The following NTNG1 variants were observed in gnomAD, a reference collection of about 807,000 sequenced individuals.
The protein encoded by NTNG1 is netrin-G1.
A neutral mutation model predicts 54.0 loss-of-function variants in NTNG1; 16 were observed. The observed-to-expected ratio is 0.30, with a 90% CI of 0.20 to 0.45. The LOEUF (loss-of-function observed/expected upper bound fraction) is 0.45, where lower values mean the gene tolerates loss of function less well. Ranked by LOEUF, NTNG1 falls within the 20% of genes least tolerant of loss-of-function variation. The pLI, the probability that NTNG1 is intolerant of heterozygous loss-of-function variation, is 1.00. For synonymous variants in NTNG1, 255 were observed against 263.1 expected (o/e 0.97, Z 0.30); for missense variants, 530 against 678.7 (o/e 0.78, Z 2.43).
intron 7 of NTNG1, among the ~76,000 whole-genome samples, chr1:107,463,056 C>A (rs918254924): frequency 7.2e-5 from 11 of 152,210 alleles, no homozygotes; most frequent in Non-Finnish European, 1.3e-4. Flanking sequence ...ATCAAACAAA[C>A]CAGGAAAGTA....
chr1:107,372,007 GT>G (rs759763026), intron 3 of NTNG1, among the ~76,000 whole-genome samples: 2 of 151,942 alleles, frequency 1.3e-5, no homozygotes, highest in Non-Finnish European at 2.9e-5. Context: ...CAGATTTGAG[GT>G]GCTCAACTTG....
At chr1:107,165,207 A>G (rs1271162857) in intron 2 of NTNG1, among the ~76,000 whole-genome samples, 2 of 152,176 alleles carry the variant, frequency 1.3e-5, no homozygotes, top group Non-Finnish European at 2.9e-5. Flanking sequence ...TACTGAAACT[A>G]GAGGCAAGGG....
chr1:107,182,674 TTTTGAGA>T (rs1404495019), intron 2 of NTNG1, among the ~76,000 whole-genome samples: 2 of 152,140 alleles, frequency 1.3e-5, no homozygotes, highest in African/African-American at 4.8e-5. Flanking sequence ...TTCTCTGGGA[TTTTGAGA>T]TTTGAGCTGC....
intron 3 of NTNG1, among the ~76,000 whole-genome samples, chr1:107,370,895 C>T (rs567489149): frequency 5.3e-5 from 8 of 151,868 alleles, no homozygotes. Context: ...AGTTTGTTAC[C>T]ACTATTTAGA....
intron 7 of NTNG1, among the ~76,000 whole-genome samples, chr1:107,458,880 T>C (rs571230736): frequency 6.6e-6 from 1 of 152,268 alleles, no homozygotes; most frequent in East Asian, 1.9e-4. Flanking sequence ...CATTTTCAAA[T>C]TGGAAACATT....
intron 2 of NTNG1, among the ~76,000 whole-genome samples, chr1:107,151,193 A>G (rs1183787074): frequency 6.6e-6 from 1 of 152,208 alleles, no homozygotes; most frequent in Non-Finnish European, 1.5e-5. Context: ...CCTTGTGACT[A>G]TTTGTATGCA....
rs144721464 is a variant in NTNG1, at chr1:107,220,669, C to T, written c.246+71830C>T. Among the ~76,000 whole-genome samples, 114 of 152,314 alleles carry T rather than the reference C, an allele frequency of 7.5e-4. 1 individual carries two copies. Among genetic ancestry groups the T allele is most frequent in the African/African-American group, 2.7e-3 (112 of 41,564 alleles). On this transcript the variant is annotated intron_variant, in intron 2 of 7. Transcript: ENST00000370068. The stretch of plus-strand genomic sequence containing the variant: ...TTCCTTATTTGTCAGGACTGTGTCT[C>T]ATAGGATTGTTGTGAACATTAACTG...
At chr1:107,182,236 A>C (rs1657124902) in intron 2 of NTNG1, among the ~76,000 whole-genome samples, 1 of 152,106 alleles carries the variant, frequency 6.6e-6, no homozygotes, top group Admixed American at 6.6e-5. Flanking sequence ...GAAGCAGTTA[A>C]AAAAAGTATA....
chr1:107,392,617 G>A (rs1672432630), intron 3 of NTNG1, among the ~76,000 whole-genome samples: 1 of 152,082 alleles, frequency 6.6e-6, no homozygotes, highest in African/African-American at 2.4e-5. Context: ...GAGGTCGTGG[G>A]TGATTTGACA....
chr1:107,355,133 C>A (rs1284190418), intron 3 of NTNG1, among the ~76,000 whole-genome samples: 6 of 151,924 alleles, frequency 3.9e-5, no homozygotes, highest in Admixed American at 3.9e-4. Flanking sequence ...CCTTCCTGAT[C>A]ATTTTTGATA....
chr1:107,196,997 A>G (rs1658388156), intron 2 of NTNG1, among the ~76,000 whole-genome samples: 1 of 151,958 alleles, frequency 6.6e-6, no homozygotes, highest in Admixed American at 6.6e-5. Context: ...CAAATAAAAT[A>G]CAGGACAACC....
chr1:107,328,406 T>C (rs991169535), intron 3 of NTNG1, among the ~76,000 whole-genome samples: 1 of 152,144 alleles, frequency 6.6e-6, no homozygotes, highest in Non-Finnish European at 1.5e-5. Flanking sequence ...GCATTAACTG[T>C]ATTAAATTAT....
Position 107,462,211 on chromosome 1 carries a change from C to T in NTNG1, c.1391-18400C>T, listed in dbSNP as rs147844745. The stretch of plus-strand genomic sequence containing the variant: ...TAATGGTTCCTACCAGTTTCTGTTT[C>T]GTGGAGAAAGAAACAAGGGCAAAAG... On this transcript the variant is annotated intron_variant, in intron 7 of 7. Transcript: ENST00000370068. 3.2e-4 allele frequency among the ~76,000 whole-genome samples: 49 copies of T among 152,252 alleles called. 1 individual carries two copies. In the East Asian group the frequency reaches 8.9e-3, roughly 28 times the overall value.
At chr1:107,328,379 T>C (rs1668085667) in intron 3 of NTNG1, among the ~76,000 whole-genome samples, 1 of 152,140 alleles carries the variant, frequency 6.6e-6, no homozygotes, top group Non-Finnish European at 1.5e-5. Context: ...GGAAGGTACA[T>C]TAAAGGGCAT....
chr1:107,403,327 G>T (rs544769790), intron 4 of NTNG1, among the ~76,000 whole-genome samples: 1 of 152,086 alleles, frequency 6.6e-6, no homozygotes, highest in Non-Finnish European at 1.5e-5. Context: ...TACTCAACAC[G>T]TATGTATTTC....
At chr1:107,347,169 G>T (rs1210034089) in intron 3 of NTNG1, among the ~76,000 whole-genome samples, 1 of 152,096 alleles carries the variant, frequency 6.6e-6, no homozygotes, top group African/African-American at 2.4e-5. Context: ...TGTAACTTGG[G>T]TGATGACTTC....
chr1:107,436,973 C>T (rs1675640228), intron 7 of NTNG1, among the ~76,000 whole-genome samples, 174 bp downstream of exon 7: 1 of 152,286 alleles, frequency 6.6e-6, no homozygotes, highest in South Asian at 2.1e-4. Flanking sequence ...AGCTGTCCAA[C>T]TGGCTTTTTT....
intron 2 of NTNG1, among the ~76,000 whole-genome samples, chr1:107,240,357 G>A (rs925011320): frequency 1.3e-5 from 2 of 151,494 alleles, no homozygotes; most frequent in Admixed American, 6.6e-5. Context: ...AAATGGTGAC[G>A]GTCAGTAGTT....
chr1:107,471,081 C>A (rs557466076), intron 7 of NTNG1, among the ~76,000 whole-genome samples: 1 of 152,012 alleles, frequency 6.6e-6, no homozygotes, highest in Admixed American at 6.6e-5. Context: ...GCAGTTTTTT[C>A]TATGGTTTGG....
Sources: gnomAD v4.1 joint callset for allele counts (sites outside exome capture counted in the v4.1 genomes callset) on GRCh38, gnomAD v4.1.1 for gene constraint, MANE v1.5 for transcripts, NCBI Gene and HGNC (gene_info 2026-07-23, HGNC 2026-07-21) for gene names.